ANGPT1: variants seen among roughly 807,000 people sequenced by gnomAD.
The protein encoded by ANGPT1 is angiopoietin-1.
In ANGPT1, 17 loss-of-function variants were observed where a neutral mutation model predicts 62.2. That is an observed-to-expected ratio of 0.27 (90% confidence interval 0.19 to 0.41). The LOEUF (loss-of-function observed/expected upper bound fraction) is 0.41, where lower values mean the gene tolerates loss of function less well. ANGPT1 is among the 10% of genes least tolerant of loss of function. ANGPT1 has a pLI of 1.00. For synonymous variants in ANGPT1, 199 were observed against 198.9 expected (o/e 1.00, Z 0.00); for missense variants, 478 against 594.9 (o/e 0.80, Z 2.04).
intron 1 of ANGPT1, among the ~76,000 whole-genome samples, chr8:107,410,052 G>A (rs1272982290): frequency 6.6e-6 from 1 of 152,072 alleles, no homozygotes; most frequent in Admixed American, 6.6e-5. Flanking sequence ...CAGACCCAGG[G>A]GGAAATAATC....
At chr8:107,453,837 T>C (rs1260381341) in intron 1 of ANGPT1, among the ~76,000 whole-genome samples, 1 of 149,030 alleles carries the variant, frequency 6.7e-6, no homozygotes, top group Non-Finnish European at 1.5e-5. Context: ...CATGAACAGA[T>C]GCACATAGTA....
intron 1 of ANGPT1, among the ~76,000 whole-genome samples, chr8:107,405,751 C>T (rs1229530725): frequency 6.6e-6 from 1 of 151,852 alleles, no homozygotes; most frequent in Non-Finnish European, 1.5e-5. Flanking sequence ...CTATTGCTAT[C>T]CTATGACTAT....
chr8:107,358,334 GAAT>G (rs1816091387), intron 1 of ANGPT1, among the ~76,000 whole-genome samples: 1 of 151,916 alleles, frequency 6.6e-6, no homozygotes, highest in African/African-American at 2.4e-5. Context: ...CATAAGAAAG[GAAT>G]AATGATTGCT....
chr8:107,469,952 G>A (rs1361139417), intron 1 of ANGPT1, among the ~76,000 whole-genome samples: 1 of 152,014 alleles, frequency 6.6e-6, no homozygotes, highest in African/African-American at 2.4e-5. Flanking sequence ...AGATTTTGCA[G>A]GCTTGCTTGA....
chr8:107,456,382 T>C, intron 1 of ANGPT1, among the ~76,000 whole-genome samples: 1 of 151,950 alleles, frequency 6.6e-6, no homozygotes, highest in East Asian at 1.9e-4. Context: ...AAAAAGCATC[T>C]CAAGTCAAAA....
Position 107,497,506 on chromosome 8 carries a change from C to A in ANGPT1, c.53G>T (p.Gly18Val). The change falls in exon 1 of 9, where the codon GGG becomes GTG. Residue 18 changes from glycine (G) to valine (V), a missense_variant. By Grantham distance (109) the Gly-to-Val change is moderately radical (BLOSUM62 -3). Transcript: ENST00000517746. ...TGGACTTCGGCGCTGATTGCTGCAC[C>A]CTATGTGAGTCAGAATGGCAGCGAG... is the stretch of plus-strand genomic sequence containing the variant. Reference protein sequence around the residue: ...AFLAAILTHIGCSNQRRSPEN... With the variant: ...AFLAAILTHIVCSNQRRSPEN... 1 of 1,614,048 alleles carries A rather than the reference C, an allele frequency of 6.2e-7. No individual in the cohort carries two copies. The highest frequency in any genetic ancestry group is 8.5e-7 in the Non-Finnish European group (1 of 1,180,000).
At chr8:107,444,490 T>C (rs1205075911) in intron 1 of ANGPT1, among the ~76,000 whole-genome samples, 2 of 152,194 alleles carry the variant, frequency 1.3e-5, no homozygotes, top group Admixed American at 1.3e-4. Context: ...CGAGGTCCTA[T>C]CCCTCATTCT....
chr8:107,395,832 G>C (rs1816923759), intron 1 of ANGPT1, among the ~76,000 whole-genome samples: 1 of 152,134 alleles, frequency 6.6e-6, no homozygotes, highest in Non-Finnish European at 1.5e-5. Flanking sequence ...CCAAGAAAAA[G>C]ATAGGATGTA....
rs192222281 is a variant in ANGPT1 at position 107,426,382 on chromosome 8, C to T, written c.297+70880G>A. 9.2e-5 allele frequency among the ~76,000 whole-genome samples: 14 copies of T among 152,178 alleles called. No individual in the cohort carries two copies. The East Asian group carries it at 1.2e-3, about 13-fold the overall frequency. On this transcript the variant is annotated intron_variant, in intron 1 of 8. Transcript: ENST00000517746. ...TCAGCATTCTAAAACAGAAAGTGGG[C>T]GGGTGATCCAAGGTTGAGTGAATTA... is the stretch of plus-strand genomic sequence containing the variant.
At chr8:107,311,550 C>G (rs12675569) in intron 4 of ANGPT1, among the ~76,000 whole-genome samples, 42,963 of 152,042 alleles carry the variant, frequency 0.28, 7,425 homozygotes, top group Admixed American at 0.39. Flanking sequence ...CATACAAACT[C>G]TTACATTTAT....
intron 7 of ANGPT1, among the ~76,000 whole-genome samples, chr8:107,280,394 G>A (rs1298364493): frequency 1.3e-5 from 2 of 151,972 alleles, no homozygotes; most frequent in African/African-American, 2.4e-5. Flanking sequence ...AACAGTGCCT[G>A]GAAAGGGGAC....
chr8:107,483,725 C>G (rs952047640), intron 1 of ANGPT1, among the ~76,000 whole-genome samples: 3 of 151,830 alleles, frequency 2.0e-5, no homozygotes, highest in African/African-American at 7.3e-5. Flanking sequence ...TGTTTTTTAG[C>G]TGAAAGAAAT....
At chr8:107,436,616 A>G (rs1049113891) in intron 1 of ANGPT1, among the ~76,000 whole-genome samples, 5 of 152,146 alleles carry the variant, frequency 3.3e-5, no homozygotes, top group Non-Finnish European at 7.3e-5. Context: ...GTTCATCTTC[A>G]TTTATCGTCT....
intron 1 of ANGPT1, among the ~76,000 whole-genome samples, chr8:107,454,448 C>T (rs999082634): frequency 2.6e-5 from 4 of 152,104 alleles, no homozygotes; most frequent in Non-Finnish European, 5.9e-5. Flanking sequence ...TTTGCCTTCA[C>T]TTTTGATTAC....
intron 1 of ANGPT1, among the ~76,000 whole-genome samples, chr8:107,425,785 T>A (rs1310390243): frequency 6.6e-6 from 1 of 152,108 alleles, no homozygotes; most frequent in Non-Finnish European, 1.5e-5. Context: ...AAATATGAAA[T>A]GGTTTCCAAG....
chr8:107,433,672 C>T (rs1811261104), intron 1 of ANGPT1, among the ~76,000 whole-genome samples: 1 of 152,162 alleles, frequency 6.6e-6, no homozygotes, highest in Non-Finnish European at 1.5e-5. Flanking sequence ...ATAAGCCAGG[C>T]TTCTAGGACC....
At chr8:107,349,863 C>T (rs948228457) in intron 1 of ANGPT1, among the ~76,000 whole-genome samples, 2 of 152,090 alleles carry the variant, frequency 1.3e-5, no homozygotes, top group Non-Finnish European at 2.9e-5. Flanking sequence ...AGGTAAAACA[C>T]ACCAGAAATC....
At chr8:107,495,537 T>C (rs1047057900) in intron 1 of ANGPT1, among the ~76,000 whole-genome samples, 9 of 152,210 alleles carry the variant, frequency 5.9e-5, no homozygotes, top group Non-Finnish European at 8.8e-5. Flanking sequence ...GAATCACTAT[T>C]GTGATTATAC....
In ANGPT1 at chr8:107,398,813, C is replaced by T. The variant is rs555059197; in HGVS notation, c.298-51716G>A. Among the ~76,000 whole-genome samples, 272 of 152,120 alleles carry T rather than the reference C, an allele frequency of 1.8e-3. 1 individual carries two copies. The highest frequency in any genetic ancestry group is 3.5e-3 in the South Asian group (17 of 4,818). ...GATTACCTTTCAGAGAAAGAGTAAT[C>T]GCTATTTCTCTAGGAATGGGAGCCT... is the stretch of plus-strand genomic sequence containing the variant. On this transcript the variant is annotated intron_variant, in intron 1 of 8. Transcript: ENST00000517746.
Sources: allele counts gnomAD v4.1 joint callset (sites outside exome capture counted in the v4.1 genomes callset), GRCh38; gene constraint gnomAD v4.1.1; transcripts MANE v1.5; gene names NCBI Gene and HGNC (gene_info 2026-07-23, HGNC 2026-07-21).